Variants in HERC3 observed in about 807,000 individuals in gnomAD.
The protein encoded by HERC3 is HECT and RLD domain containing E3 ubiquitin protein ligase 3.
Under a neutral mutation model 129.9 loss-of-function variants are expected in HERC3, and 58 were observed. The observed-to-expected ratio is 0.45, with a 90% confidence interval of 0.36 to 0.56. The LOEUF (loss-of-function observed/expected upper bound fraction) is 0.56. Among genes scored for constraint, HERC3 ranks in the 20% least tolerant of loss-of-function variants. HERC3 has a pLI of 0.00. For missense variants in HERC3, 835 were observed against 1,244.2 expected (o/e 0.67, Z 4.95); for synonymous variants, 430 against 451.0 (o/e 0.95, Z 0.59).
intron 8 of HERC3, 123 bp downstream of exon 8, chr4:88,655,427 C>G (rs555833192): frequency 8.9e-7 from 1 of 1,120,150 alleles, no homozygotes; most frequent in Non-Finnish European, 1.3e-6. Context: ...ACTGCATGCA[C>G]GCCTATGGTG....
chr4:88,630,245 A>T (rs553298279), intron 3 of HERC3, among the ~76,000 whole-genome samples: 2 of 152,298 alleles, frequency 1.3e-5, no homozygotes, highest in South Asian at 4.1e-4. Flanking sequence ...ATAAAGAATG[A>T]TGATGCTTTG....
At chr4:88,527,036 G>A in the HERC3 span, 2 of 152,046 alleles carry the variant, frequency 1.3e-5, no homozygotes, top group African/African-American at 4.8e-5. Flanking sequence ...AAACATCAAA[G>A]GAGTTTTGAA....
At chr4:88,535,647 C>A in the HERC3 span, among the ~76,000 whole-genome samples, 9 of 152,182 alleles carry the variant, frequency 5.9e-5, no homozygotes, top group South Asian at 8.3e-4. Flanking sequence ...AAGGGCATCC[C>A]AAGGCAGGAG....
At chr4:88,570,135 C>T in the HERC3 span, among the ~76,000 whole-genome samples, 1 of 152,220 alleles carries the variant, frequency 6.6e-6, no homozygotes, top group Non-Finnish European at 1.5e-5. Context: ...AAGTCATTGG[C>T]ATTCCTAAAA....
intron 2 of HERC3, among the ~76,000 whole-genome samples, chr4:88,603,757 T>C (rs754545989): frequency 1.3e-5 from 2 of 152,248 alleles, no homozygotes; most frequent in Non-Finnish European, 2.9e-5. Context: ...TCCCCTCTTA[T>C]GTCTTTGTAA....
intron 2 of HERC3, among the ~76,000 whole-genome samples, chr4:88,603,545 T>C (rs544648894): frequency 4.4e-4 from 67 of 152,262 alleles, no homozygotes; most frequent in African/African-American, 1.5e-3. Flanking sequence ...AATAGGAGCA[T>C]CTACTGTTTT....
chr4:88,687,190 T>C (rs1369164437), intron 22 of HERC3, 27 bp from the exon 23 acceptor site: 2 of 1,553,784 alleles, frequency 1.3e-6, no homozygotes, highest in Non-Finnish European at 1.8e-6. Context: ...AAAATTGAAA[T>C]ATTTCTTTTT....
chr4:88,601,786 G>A (rs1425983752), intron 2 of HERC3, among the ~76,000 whole-genome samples: 3,628 of 98,506 alleles, frequency 0.037, 234 homozygotes, highest in African/African-American at 0.29. Context: ...GCCGGGCGCG[G>A]TGGCTTACGC....
intron 3 of HERC3, among the ~76,000 whole-genome samples, chr4:88,606,844 A>G (rs1181764723): frequency 6.6e-6 from 1 of 152,206 alleles, no homozygotes; most frequent in Non-Finnish European, 1.5e-5. Flanking sequence ...GTGGGGACAC[A>G]GCCAAATCAT....
chr4:88,667,886 A>C lies in HERC3; in HGVS notation c.1444-6A>C, dbSNP rs1471268313. On this transcript the variant is annotated splice_polypyrimidine_tract_variant and splice_region_variant and intron_variant, in intron 13 of 25. Coordinates refer to ENST00000402738, the MANE Select transcript of HERC3 (RefSeq NM_014606.3). The stretch of plus-strand genomic sequence containing the variant: ...GAATTTCTCATTACTCTTTTCCCTC[A>C]TACAGATTTTGAACAGTTTTGAAAG... 6.2e-7 allele frequency: 1 copy of C among 1,601,322 alleles called. No homozygotes were observed. Among genetic ancestry groups the C allele is most frequent in the Non-Finnish European group, 8.5e-7 (1 of 1,171,048 alleles).
intron 10 of HERC3, among the ~76,000 whole-genome samples, chr4:88,662,051 A>G (rs149578582): frequency 1.3e-3 from 193 of 152,304 alleles, no homozygotes; most frequent in African/African-American, 4.1e-3. Context: ...GGGATGAAGG[A>G]GGCAGGATTG....
At chr4:88,564,696 G>T in the HERC3 span, among the ~76,000 whole-genome samples, 1 of 151,922 alleles carries the variant, frequency 6.6e-6, no homozygotes, top group African/African-American at 2.4e-5. Context: ...GTTGTTTGTT[G>T]ATTTCAGTAT....
At position 88,653,986 on chromosome 4, in the gene HERC3, T is replaced by A. The variant is rs141400565; in HGVS notation, c.686-56T>A. 5.8e-4 allele frequency: 730 copies of A among 1,264,012 alleles called. 3 individuals are homozygous for A. The African/African-American group carries it at 6.4e-3, about 11-fold the overall frequency. The allele number at this position is 1,264,012 out of a possible 1,614,324, so 78.3% of individuals were successfully genotyped here. On this transcript the variant is annotated intron_variant, in intron 6 of 25. Coordinates refer to ENST00000402738, the MANE Select transcript of HERC3 (RefSeq NM_014606.3). ...CAAAATTCATGCCAAGATAGTTGTGTATATTTCATCTCAAAGGCAAATGGT... is the reference window on the plus strand; with the variant it reads ...CAAAATTCATGCCAAGATAGTTGTGAATATTTCATCTCAAAGGCAAATGGT...
At chr4:88,682,037 T>A (rs1032825702) in intron 21 of HERC3, among the ~76,000 whole-genome samples, 4 of 152,222 alleles carry the variant, frequency 2.6e-5, no homozygotes, top group Non-Finnish European at 5.9e-5. Flanking sequence ...TGTATTTTAT[T>A]TTTTAAACTG....
chr4:88,599,183 A>G (rs1180665049), intron 2 of HERC3, among the ~76,000 whole-genome samples: 1 of 152,200 alleles, frequency 6.6e-6, no homozygotes, highest in Non-Finnish European at 1.5e-5. Context: ...ACTGGAGTGT[A>G]CTTTGAAGTG....
chr4:88,579,048 T>C, the HERC3 span, among the ~76,000 whole-genome samples: 1 of 151,950 alleles, frequency 6.6e-6, no homozygotes, highest in Non-Finnish European at 1.5e-5. Context: ...TCTGAACAAA[T>C]AATTGGTTTA....
chr4:88,679,084 T>G (rs1457430357), intron 19 of HERC3, among the ~76,000 whole-genome samples: 1 of 152,204 alleles, frequency 6.6e-6, no homozygotes. Context: ...TTGAATGCTG[T>G]TTTTAGTTCT....
At chr4:88,673,011 C>T (rs959291282) in intron 16 of HERC3, among the ~76,000 whole-genome samples, 12 of 152,280 alleles carry the variant, frequency 7.9e-5, no homozygotes, top group African/African-American at 2.9e-4. Context: ...CTGATTTTTA[C>T]TCCTTTTAAA....
At chr4:88,662,830 G>A (rs1235823036) in intron 11 of HERC3, among the ~76,000 whole-genome samples, 1 of 152,120 alleles carries the variant, frequency 6.6e-6, no homozygotes, top group African/African-American at 2.4e-5. Context: ...GAAGGCCTGA[G>A]TTGGTGATTC....
Sources: gnomAD v4.1 joint callset for allele counts (sites outside exome capture counted in the v4.1 genomes callset) on GRCh38, gnomAD v4.1.1 for gene constraint, MANE v1.5 for transcripts, NCBI Gene and HGNC (gene_info 2026-07-23, HGNC 2026-07-21) for gene names.